RAB31: variants seen among roughly 807,000 people sequenced by gnomAD.
The protein encoded by RAB31 is ras-related protein Rab-31.
In RAB31, 21 loss-of-function variants were observed where a neutral mutation model predicts 25.6. The ratio of observed to expected loss-of-function variants is 0.82; its 90% CI spans 0.58 to 1.18. RAB31 has a LOEUF of 1.18. RAB31 is among the 50% of genes most tolerant of loss of function. The pLI is 0.00. For missense variants in RAB31, 196 were observed against 250.1 expected (o/e 0.78, Z 1.46); for synonymous variants, 87 against 84.0 (o/e 1.04, Z -0.20).
intron 5 of RAB31, among the ~76,000 whole-genome samples, chr18:9,827,810 G>A (rs745698656): frequency 2.0e-5 from 3 of 152,212 alleles, no homozygotes; most frequent in Admixed American, 2.0e-4. Flanking sequence ...GCAAAGTGCT[G>A]TGAGAATAGA....
intron 3 of RAB31, among the ~76,000 whole-genome samples, chr18:9,798,664 G>T (rs931549347): frequency 6.6e-6 from 1 of 151,708 alleles, no homozygotes; most frequent in Non-Finnish European, 1.5e-5. Context: ...TGTCAGCCAG[G>T]CTGGAGTGCA....
intron 1 of RAB31, among the ~76,000 whole-genome samples, chr18:9,753,158 A>G (rs958446710): frequency 1.3e-5 from 2 of 152,206 alleles, no homozygotes; most frequent in Non-Finnish European, 2.9e-5. Flanking sequence ...TAAGAAATGA[A>G]TGGCTTTATT....
At chr18:9,823,071 A>G (rs1435931363) in intron 5 of RAB31, among the ~76,000 whole-genome samples, 1 of 152,222 alleles carries the variant, frequency 6.6e-6, no homozygotes, top group African/African-American at 2.4e-5. Flanking sequence ...ATGGACTACT[A>G]CTCAGCACTA....
intron 1 of RAB31, among the ~76,000 whole-genome samples, chr18:9,749,756 A>G (rs113729031): frequency 2.0e-5 from 3 of 152,210 alleles, no homozygotes; most frequent in Non-Finnish European, 2.9e-5. Flanking sequence ...GAAAATCTAT[A>G]CTTTTAATAG....
chr18:9,753,080 ATTAAG>A (rs987104078), intron 1 of RAB31, among the ~76,000 whole-genome samples: 1 of 152,250 alleles, frequency 6.6e-6, no homozygotes, highest in Non-Finnish European at 1.5e-5. Flanking sequence ...TGGGATTCTT[ATTAAG>A]TTGTCTATAC....
chr18:9,816,406 G>A (rs1004033369), intron 5 of RAB31, among the ~76,000 whole-genome samples: 2 of 152,098 alleles, frequency 1.3e-5, no homozygotes, highest in African/African-American at 4.8e-5. Flanking sequence ...TATTTCTGTT[G>A]TTACTTTTTC....
At chr18:9,771,349 G>A (rs768799099) in intron 1 of RAB31, among the ~76,000 whole-genome samples, 8 of 152,092 alleles carry the variant, frequency 5.3e-5, no homozygotes, top group Non-Finnish European at 8.8e-5. Flanking sequence ...TGGACAAGAC[G>A]GCCTGTGGTA....
chr18:9,832,391 C>A (rs1032402484), intron 5 of RAB31, among the ~76,000 whole-genome samples: 1 of 152,214 alleles, frequency 6.6e-6, no homozygotes, highest in African/African-American at 2.4e-5. Flanking sequence ...ATGACCGATG[C>A]AAAGTACACC....
rs931385242 is a variant in RAB31, at chr18:9,841,496, G to A, written c.381-4086G>A. On this transcript the variant is annotated intron_variant, in intron 5 of 6. Transcript: ENST00000578921. Reference sequence around the variant, plus strand: ...AGAGCTTGCAGTGAGCCGAGATGGCGCCACTGCACTCCAGCCTGGGCGATA... The same window carrying A: ...AGAGCTTGCAGTGAGCCGAGATGGCACCACTGCACTCCAGCCTGGGCGATA... 2.9e-5 allele frequency among the ~76,000 whole-genome samples: 4 copies of A among 138,338 alleles called. No individual in the cohort carries two copies. The South Asian group carries it at 9.2e-4, about 32-fold the overall frequency. The allele number at this position is 138,338 out of a possible 152,430, so 90.8% of individuals were successfully genotyped here.
chr18:9,806,509 G>T (rs565294556), intron 3 of RAB31, among the ~76,000 whole-genome samples: 3 of 151,550 alleles, frequency 2.0e-5, no homozygotes, highest in Admixed American at 6.6e-5. Context: ...CTGCCTCTGT[G>T]TTTAGGGAGC....
At chr18:9,747,470 A>C (rs115508453) in intron 1 of RAB31, among the ~76,000 whole-genome samples, 2 of 152,264 alleles carry the variant, frequency 1.3e-5, no homozygotes, top group Admixed American at 6.5e-5. Flanking sequence ...CCAAATGTCT[A>C]TGATGAATGG....
intron 1 of RAB31, among the ~76,000 whole-genome samples, chr18:9,712,035 C>G (rs116638528): frequency 6.6e-6 from 1 of 152,274 alleles, no homozygotes; most frequent in African/African-American, 2.4e-5. Flanking sequence ...TACCTCCTGA[C>G]GTTAGAGTCA....
chr18:9,795,470 C>T (rs570063916), intron 3 of RAB31, among the ~76,000 whole-genome samples: 1 of 152,266 alleles, frequency 6.6e-6, no homozygotes, highest in South Asian at 2.1e-4. Context: ...GGGAGAAAAT[C>T]TTCACAATCC....
At chr18:9,831,090 T>G (rs1038828959) in intron 5 of RAB31, among the ~76,000 whole-genome samples, 3 of 152,216 alleles carry the variant, frequency 2.0e-5, no homozygotes, top group African/African-American at 7.2e-5. Flanking sequence ...GATACCTTTA[T>G]CGTGAGTCTT....
At chr18:9,782,677 A>G (rs1568177873) in intron 2 of RAB31, among the ~76,000 whole-genome samples, 1 of 152,136 alleles carries the variant, frequency 6.6e-6, no homozygotes, top group Non-Finnish European at 1.5e-5. Context: ...TCTACACAGA[A>G]GAAAAGATGC....
chr18:9,811,681 G>A (rs1399894770), intron 3 of RAB31, among the ~76,000 whole-genome samples: 1 of 152,024 alleles, frequency 6.6e-6, no homozygotes, highest in Non-Finnish European at 1.5e-5. Context: ...AGATTTAGAG[G>A]AACCTCGTGT....
At chr18:9,747,645 T>C (rs74940692) in intron 1 of RAB31, among the ~76,000 whole-genome samples, 5,389 of 152,280 alleles carry the variant, frequency 0.035, 219 homozygotes, top group East Asian at 0.15. Flanking sequence ...TCATAGGGCT[T>C]GTGCAGAGTA....
intron 5 of RAB31, among the ~76,000 whole-genome samples, chr18:9,817,043 T>C (rs2068602374): frequency 6.6e-6 from 1 of 152,192 alleles, no homozygotes; most frequent in African/African-American, 2.4e-5. Context: ...TTTTCTGGGA[T>C]TTGGACAAAT....
At chr18:9,792,560 CA>C (rs1460419524) in intron 3 of RAB31, among the ~76,000 whole-genome samples, 1 of 152,196 alleles carries the variant, frequency 6.6e-6, no homozygotes, top group African/African-American at 2.4e-5. Context: ...CTCCTTACCT[CA>C]AGGGTGGTAA....
Sources: gnomAD v4.1 joint callset for allele counts (sites outside exome capture counted in the v4.1 genomes callset) on GRCh38, gnomAD v4.1.1 for gene constraint, MANE v1.5 for transcripts, NCBI Gene and HGNC (gene_info 2026-07-23, HGNC 2026-07-21) for gene names.